Variants in PTCD3 observed in about 807,000 individuals in gnomAD.
PTCD3 encodes the protein pentatricopeptide repeat domain 3, also known as small ribosomal subunit protein mS39.
A neutral mutation model predicts 101.9 loss-of-function variants in PTCD3; 89 were observed. The ratio of observed to expected loss-of-function variants is 0.87; its 90% CI spans 0.74 to 1.04. PTCD3 has a LOEUF of 1.04. Ranked by LOEUF, PTCD3 falls within the 50% of genes least tolerant of loss-of-function variation. The probability of loss-of-function intolerance (pLI) is 0.00; values close to 1 mark genes in which losing one functional copy is unlikely to be tolerated. For synonymous variants in PTCD3, 296 were observed against 278.5 expected (o/e 1.06, Z -0.63); for missense variants, 870 against 828.2 (o/e 1.05, Z -0.62).
At chr2:86,135,197 G>A (rs10171798) in intron 21 of PTCD3, 8,093 of 448,744 alleles carry the variant, frequency 0.018, 560 homozygotes, top group African/African-American at 0.14. Flanking sequence ...ACCATACGCT[G>A]AGAATTATCT....
chr2:86,129,510 C>T (rs1344454435), intron 14 of PTCD3, among the ~76,000 whole-genome samples: 2 of 152,050 alleles, frequency 1.3e-5, no homozygotes, highest in African/African-American at 2.4e-5. Flanking sequence ...GGCATGGTGG[C>T]GCACCCCTGT....
At position 86,137,924 on chromosome 2, in the gene PTCD3, T is replaced by G. The variant is rs1208314302; in HGVS notation, c.*365T>G. 1 of 232,978 alleles carries G rather than the reference T, an allele frequency of 4.3e-6. No individual in the cohort carries two copies. Among genetic ancestry groups the G allele is most frequent in the East Asian group, 9.6e-5 (1 of 10,460 alleles). The allele number at this position is 232,978 out of a possible 1,614,324, so 14.4% of individuals were successfully genotyped here. On this transcript the variant is annotated 3_prime_UTR_variant, in exon 24 of 24. Coordinates refer to ENST00000254630, the MANE Select transcript of PTCD3 (RefSeq NM_017952.6). ...TTGCCCTCTCCTGCTGCTGGACTTC[T>G]GCCTTTGTTGGCCTGATGTGCTGCT...
Position 86,137,146 on chromosome 2 carries a change from T to C in PTCD3, c.1979+6T>C. On this transcript the variant is annotated splice_donor_region_variant and intron_variant, in intron 23 of 23. Coordinates refer to ENST00000254630, the MANE Select transcript of PTCD3 (RefSeq NM_017952.6). ...GCAATCAACCAGGAACAAAAGTAAG[T>C]GGTCACCATGAAGCATAGTTTGTAA... is the stretch of plus-strand genomic sequence containing the variant. 1 of 1,572,968 alleles carries C rather than the reference T, an allele frequency of 6.4e-7. No individual in the cohort carries two copies. The highest frequency in any genetic ancestry group is 8.6e-7 in the Non-Finnish European group (1 of 1,160,868).
rs975663481 is a variant in PTCD3 at position 86,137,637 on chromosome 2, T to C, written c.*78T>C. On this transcript the variant is annotated 3_prime_UTR_variant, in exon 24 of 24. Coordinates refer to ENST00000254630, the MANE Select transcript of PTCD3 (RefSeq NM_017952.6). ...CCTGAGAACTGAGATATACCAATAT[T>C]TAACATTGTTACAAAGAAGAAAAGA... The C allele has an allele frequency of 2.5e-6, 4 of 1,578,200 alleles. No individual in the cohort carries two copies. In the African/African-American group the frequency reaches 5.4e-5, roughly 21 times the overall value.
rs758498078 is a variant in PTCD3, at chr2:86,134,799, A to G, written c.1630-40A>G. The G allele has an allele frequency of 1.1e-5, 18 of 1,608,982 alleles. No homozygotes were observed. In the East Asian group the frequency reaches 3.6e-4, roughly 32 times the overall value. On this transcript the variant is annotated intron_variant, in intron 20 of 23. Transcript: ENST00000254630. ...AGTCTCCTGAACTGAAATTCTCATAAAATCAGTTAGGCAGTTCTGCTGACT... is the reference window on the plus strand; with the variant it reads ...AGTCTCCTGAACTGAAATTCTCATAGAATCAGTTAGGCAGTTCTGCTGACT...
Position 86,138,969 on chromosome 2 carries a change from A to G in PTCD3, c.*1410A>G, listed in dbSNP as rs921766513. 6.6e-6 allele frequency: 1 copy of G among 152,202 alleles called. No homozygotes were observed. Among genetic ancestry groups the G allele is most frequent in the African/African-American group, 2.4e-5 (1 of 41,440 alleles). 9.4% of individuals were successfully genotyped at this position (152,202 alleles called of 1,614,324 possible). A position where few individuals can be genotyped will look rare whatever the true frequency, so the allele number is the denominator to read the frequency against. ...ATTCTGAATCACCATGTTGCTCTGC[A>G]GCTAGAGTTGATAGGAGAAAATCCA... On this transcript the variant is annotated 3_prime_UTR_variant, in exon 24 of 24. Coordinates refer to ENST00000254630, the MANE Select transcript of PTCD3 (RefSeq NM_017952.6).
intron 9 of PTCD3, 40 bp downstream of exon 9, chr2:86,123,802 T>G: frequency 2.1e-4 from 297 of 1,428,974 alleles, no homozygotes; most frequent in Non-Finnish European, 2.7e-4. Flanking sequence ...TACAGTGTCT[T>G]ACAGTGCATG....
rs1162159704 is a variant in PTCD3, at chr2:86,106,311, G to C, written c.64G>C (p.Gly22Arg). The stretch of plus-strand genomic sequence containing the variant: ...CAGCAGGCTTGGCCAGCCGCTGACG[G>C]GTCGGCGGGCGGGTTTGTGTGAACA... ...LRSRLGQPLT[G>R]RRAGLCEQAR... The change falls in exon 1 of 24, where the codon GGT becomes CGT. Residue 22 changes from glycine (G) to arginine (R), a missense_variant. Physicochemically the swap from Gly to Arg is moderately radical, Grantham distance 125. Transcript: ENST00000254630. 1.9e-6 allele frequency: 3 copies of C among 1,613,954 alleles called. No homozygotes were observed. The highest frequency in any genetic ancestry group is 2.5e-6 in the Non-Finnish European group (3 of 1,180,010).
Position 86,131,077 on chromosome 2 carries a change from G to C in PTCD3, c.1238-1G>C. The C allele has an allele frequency of 1.9e-6, 3 of 1,603,212 alleles. No homozygotes were observed. The highest frequency in any genetic ancestry group is 2.6e-6 in the Non-Finnish European group (3 of 1,175,426). ...AAGCTCTTGTGAACTTTGATTTTCA[G>C]ATAAGTTTTTTCAGTCAGCCATGAG... On this transcript the variant is annotated splice_acceptor_variant, in intron 15 of 23. Coordinates refer to ENST00000254630, the MANE Select transcript of PTCD3 (RefSeq NM_017952.6). LOFTEE classifies it high-confidence loss of function.
At chr2:86,130,938 C>A in intron 15 of PTCD3, 140 bp from the exon 16 acceptor site, 1 of 1,398,268 alleles carries the variant, frequency 7.2e-7, no homozygotes, top group South Asian at 1.4e-5. Context: ...GTGGTACATT[C>A]CTGCCTCTCT....
intron 14 of PTCD3, 62 bp downstream of exon 14, chr2:86,128,053 T>C: frequency 7.8e-7 from 1 of 1,287,220 alleles, no homozygotes; most frequent in South Asian, 1.2e-5. Context: ...CTTGAGTTTA[T>C]GTGATTAATT....
chr2:86,107,302 A>C, intron 1 of PTCD3: 2 of 450,926 alleles, frequency 4.4e-6, no homozygotes, highest in South Asian at 3.2e-5. Flanking sequence ...TTTTAAGGTC[A>C]TGAGAAACAA....
intron 21 of PTCD3, chr2:86,135,950 C>T (rs943137120): frequency 1.9e-6 from 1 of 519,132 alleles, no homozygotes; most frequent in Non-Finnish European, 3.8e-6. Flanking sequence ...CTTTGTCCTG[C>T]ATGTGGCAGG....
intron 14 of PTCD3, among the ~76,000 whole-genome samples, chr2:86,128,859 A>G (rs1444560963): frequency 1.3e-5 from 2 of 152,212 alleles, no homozygotes; most frequent in South Asian, 2.1e-4. Context: ...TGAGTTCCAC[A>G]CTGTGTCTGC....
rs1674190556 is a variant in PTCD3 at position 86,117,118 on chromosome 2, C to A, written c.373C>A (p.Pro125Thr). Residue 125 changes from proline to threonine, a missense_variant, in exon 6 of 24, where the codon CCC (proline) becomes ACC (threonine). By Grantham distance (38) the Pro-to-Thr change is conservative. Transcript: ENST00000254630. Reference sequence around the variant, plus strand: ...GGCCAAGTTTATTATTAATTCATACCCCAAATATTTTCAGAAGGACATAGC... The same window carrying A: ...GGCCAAGTTTATTATTAATTCATACACCAAATATTTTCAGAAGGACATAGC... ...NVAKFIINSY[P>T]KYFQKDIAEP... is the part of the protein sequence containing the mutation. 2 of 1,475,484 alleles carry A rather than the reference C, an allele frequency of 1.4e-6. No homozygotes were observed. The highest frequency in any genetic ancestry group is 1.9e-6 in the Non-Finnish European group (2 of 1,054,516). 91.4% of individuals were successfully genotyped at this position (1,475,484 alleles called of 1,614,324 possible). A position where few individuals can be genotyped will look rare whatever the true frequency, so the allele number is the denominator to read the frequency against.
chr2:86,124,659 T>C (rs544236838), intron 9 of PTCD3, among the ~76,000 whole-genome samples: 4 of 152,304 alleles, frequency 2.6e-5, no homozygotes, highest in African/African-American at 7.2e-5. Context: ...TATCTGAAGA[T>C]TGAAGAAAGG....
chr2:86,122,000 C>A (rs894339298), intron 8 of PTCD3, among the ~76,000 whole-genome samples: 12 of 152,110 alleles, frequency 7.9e-5, no homozygotes, highest in Non-Finnish European at 1.3e-4. Flanking sequence ...TGCCGGGGCC[C>A]GCCTGTAAGT....
rs764913632 is a variant in PTCD3, at chr2:86,133,331, G to A, written c.1453-15G>A. ...CTGCAGATTAATGCTTTAAAAATGTGTTTCTCTTAATCAGGCCTACTTTCC... is the reference window on the plus strand; with the variant it reads ...CTGCAGATTAATGCTTTAAAAATGTATTTCTCTTAATCAGGCCTACTTTCC... On this transcript the variant is annotated splice_polypyrimidine_tract_variant and intron_variant, in intron 18 of 23. Coordinates refer to ENST00000254630, the MANE Select transcript of PTCD3 (RefSeq NM_017952.6). 1 of 1,613,970 alleles carries A rather than the reference G, an allele frequency of 6.2e-7. No individual in the cohort carries two copies. The highest frequency in any genetic ancestry group is 8.5e-7 in the Non-Finnish European group (1 of 1,179,964).
chr2:86,125,526 G>A lies in PTCD3; in HGVS notation c.865+11G>A. On this transcript the variant is annotated intron_variant, in intron 11 of 23. Transcript: ENST00000254630. ...ACAACAGACTCCATGGTGAGTTTGA[G>A]AACTCCCCTCTGTCCCTTTCTCCAT... The A allele has an allele frequency of 6.3e-7, 1 of 1,594,648 alleles. No individual in the cohort carries two copies. Among genetic ancestry groups the A allele is most frequent in the Non-Finnish European group, 8.6e-7 (1 of 1,162,334 alleles).
Sources: gnomAD v4.1 joint callset for allele counts (sites outside exome capture counted in the v4.1 genomes callset) on GRCh38, gnomAD v4.1.1 for gene constraint, MANE v1.5 for transcripts, NCBI Gene and HGNC (gene_info 2026-07-23, HGNC 2026-07-21) for gene names.